Variants in ZDHHC7 observed in about 807,000 individuals in gnomAD.
ZDHHC7 encodes the protein palmitoyltransferase ZDHHC7.
A neutral mutation model predicts 34.1 loss-of-function variants in ZDHHC7; 12 were observed. The ratio of observed to expected loss-of-function variants is 0.35; its 90% CI spans 0.23 to 0.57. The LOEUF (loss-of-function observed/expected upper bound fraction) is 0.57, where lower values mean the gene tolerates loss of function less well. Ranked by LOEUF, ZDHHC7 falls within the 20% of genes least tolerant of loss-of-function variation. ZDHHC7 has a pLI of 0.84. For missense variants in ZDHHC7, 388 were observed against 402.7 expected, an observed-to-expected ratio of 0.96 and a Z score of 0.31; for synonymous variants, 185 against 155.4, an observed-to-expected ratio of 1.19 and a Z score of -1.42.
the ZDHHC7 span, among the ~76,000 whole-genome samples, chr16:85,021,781 G>C: frequency 6.6e-6 from 1 of 151,478 alleles, no homozygotes; most frequent in African/African-American, 2.4e-5. Context: ...GATAAGGAGA[G>C]GAGAGAGAGA....
chr16:85,013,538 C>A (rs187241357), upstream of ZDHHC7, among the ~76,000 whole-genome samples: 2 of 151,938 alleles, frequency 1.3e-5, no homozygotes, highest in African/African-American at 2.4e-5. Flanking sequence ...CCACCACGCC[C>A]GGCCAAAGGT....
chr16:84,976,936 G>C (rs888695855), intron 7 of ZDHHC7, among the ~76,000 whole-genome samples, 159 bp downstream of exon 7: 11 of 152,212 alleles, frequency 7.2e-5, no homozygotes, highest in African/African-American at 2.7e-4. Flanking sequence ...TGCCCAGAAT[G>C]AAAGAAACAG....
At position 84,979,236 on chromosome 16, in the gene ZDHHC7, T is replaced by G; in HGVS notation, c.490A>C (p.Asn164His). The G allele has an allele frequency of 1.2e-6, 2 of 1,607,174 alleles. No homozygotes were observed. The highest frequency in any genetic ancestry group is 8.5e-7 in the Non-Finnish European group (1 of 1,178,752). ...RKMDHHCPWV[N>H]NCVGEKNQRF... Reference sequence around the variant, plus strand: ...TGATTCTTTTCTCCTACACAATTGTTCACCCACGGGCAGTGATGATCCATT... The same window carrying G: ...TGATTCTTTTCTCCTACACAATTGTGCACCCACGGGCAGTGATGATCCATT... The change falls in exon 5 of 8, where the codon AAC becomes CAC. Residue 164 changes from asparagine to histidine, a missense_variant. Transcript: ENST00000313732.
At chr16:85,006,713 C>G (rs2072721306) in intron 1 of ZDHHC7, among the ~76,000 whole-genome samples, 1 of 150,934 alleles carries the variant, frequency 6.6e-6, no homozygotes, top group Non-Finnish European at 1.5e-5. Context: ...GCACTCCAGC[C>G]TAGGTGACAG....
At chr16:84,989,149 G>C (rs1290949915) in intron 3 of ZDHHC7, among the ~76,000 whole-genome samples, 1 of 152,216 alleles carries the variant, frequency 6.6e-6, no homozygotes, top group Non-Finnish European at 1.5e-5. Context: ...TCCACCATCA[G>C]ATCAGGCTAC....
At chr16:84,987,612 G>A (rs192844535) in intron 3 of ZDHHC7, among the ~76,000 whole-genome samples, 7 of 152,260 alleles carry the variant, frequency 4.6e-5, no homozygotes, top group African/African-American at 1.7e-4. Flanking sequence ...TACCCAAGAG[G>A]AATGAAACAC....
At chr16:85,004,250 G>T (rs927321549) in intron 1 of ZDHHC7, among the ~76,000 whole-genome samples, 1 of 151,454 alleles carries the variant, frequency 6.6e-6, no homozygotes, top group Non-Finnish European at 1.5e-5. Flanking sequence ...ACATCTAGCT[G>T]ATCAGCAAGT....
upstream of ZDHHC7, among the ~76,000 whole-genome samples, chr16:85,015,963 A>G (rs1331152188): frequency 6.6e-6 from 1 of 152,140 alleles, no homozygotes; most frequent in African/African-American, 2.4e-5. Context: ...CTGTTTCTTC[A>G]TCAGTCTTAA....
At position 84,976,291 on chromosome 16, in the gene ZDHHC7, C is replaced by T; in HGVS notation, c.*52G>A. On this transcript the variant is annotated 3_prime_UTR_variant, in exon 8 of 8. Transcript: ENST00000313732. ...TGAGCTGTTGATATCCTTCAGACCC[C>T]AAATAAATAACTGGAAGTCTGTGAG... The T allele has an allele frequency of 5.0e-6, 8 of 1,605,810 alleles. No individual in the cohort carries two copies. Among genetic ancestry groups the T allele is most frequent in the East Asian group, 2.2e-5 (1 of 44,822 alleles).
chr16:85,008,955 G>C (rs112410113), intron 1 of ZDHHC7, among the ~76,000 whole-genome samples: 25,931 of 151,032 alleles, frequency 0.17, 3,166 homozygotes, highest in East Asian at 0.32. Context: ...TGAGGCAGGA[G>C]AATCGCTTTA....
the ZDHHC7 span, among the ~76,000 whole-genome samples, chr16:85,022,647 A>G: frequency 2.0e-5 from 3 of 152,192 alleles, no homozygotes; most frequent in African/African-American, 4.8e-5. Flanking sequence ...GTATCTAAAT[A>G]GTCTCAAAGT....
At chr16:84,998,050 GGA>G (rs1390069835) in intron 1 of ZDHHC7, among the ~76,000 whole-genome samples, 1 of 151,180 alleles carries the variant, frequency 6.6e-6, no homozygotes, top group Non-Finnish European at 1.5e-5. Context: ...CACGAGATCA[GGA>G]GATCGAGACC....
At chr16:85,012,096 T>G (rs2072802429), upstream of ZDHHC7, among the ~76,000 whole-genome samples, 1 of 152,164 alleles carries the variant, frequency 6.6e-6, no homozygotes, top group Non-Finnish European at 1.5e-5. Context: ...AACATGTATT[T>G]TAAGGCCGGG....
chr16:84,998,334 G>T (rs2072610168), intron 1 of ZDHHC7, among the ~76,000 whole-genome samples: 1 of 151,176 alleles, frequency 6.6e-6, no homozygotes, highest in Non-Finnish European at 1.5e-5. Context: ...GAGCACAGGG[G>T]TCCCTGGGAG....
At position 85,011,268 on chromosome 16, in the gene ZDHHC7, C is replaced by T; in HGVS notation, c.-104+18G>A. On this transcript the variant is annotated intron_variant, in intron 1 of 7. Transcript: ENST00000313732. ...CCCGGGAGTGAGCAGCCCGCCCGGC[C>T]CAGCCCGCCGCACTCACCCGAGGCC... The T allele has an allele frequency of 6.6e-6, 1 of 152,026 alleles. No individual in the cohort carries two copies. The highest frequency in any genetic ancestry group is 6.6e-5 in the Admixed American group (1 of 15,228). 9.4% of individuals were successfully genotyped at this position (152,026 alleles called of 1,614,324 possible). A position where few individuals can be genotyped will look rare whatever the true frequency, so the allele number is the denominator to read the frequency against.
upstream of ZDHHC7, among the ~76,000 whole-genome samples, chr16:85,012,720 C>T (rs778265497): frequency 6.6e-6 from 1 of 152,032 alleles, no homozygotes; most frequent in Non-Finnish European, 1.5e-5. Context: ...TCCTGGTCAA[C>T]GTGGCGAAAC....
intron 2 of ZDHHC7, among the ~76,000 whole-genome samples, chr16:84,993,018 A>G (rs2072530519): frequency 6.6e-6 from 1 of 152,176 alleles, no homozygotes; most frequent in Non-Finnish European, 1.5e-5. Context: ...CCTATTTTTC[A>G]ATCAGATAAA....
At chr16:84,985,083 T>C (rs1027950362) in intron 3 of ZDHHC7, among the ~76,000 whole-genome samples, 1 of 152,180 alleles carries the variant, frequency 6.6e-6, no homozygotes, top group Non-Finnish European at 1.5e-5. Flanking sequence ...TGTTTCCCAC[T>C]CATCTTCTTG....
chr16:85,008,193 T>A (rs1035395045), intron 1 of ZDHHC7, among the ~76,000 whole-genome samples: 3 of 152,012 alleles, frequency 2.0e-5, no homozygotes, highest in Admixed American at 2.0e-4. Context: ...CAGCTAACAA[T>A]ATGATGTAGG....
Sources: allele counts gnomAD v4.1 joint callset (sites outside exome capture counted in the v4.1 genomes callset), GRCh38; gene constraint gnomAD v4.1.1; transcripts MANE v1.5; gene names NCBI Gene and HGNC (gene_info 2026-07-23, HGNC 2026-07-21).